Variants in MAPK10 observed in about 807,000 individuals in gnomAD.
MAPK10 encodes the protein mitogen-activated protein kinase 10, also known as JNK3 alpha protein kinase.
Under a neutral mutation model 59.3 loss-of-function variants are expected in MAPK10, and 25 were observed. The ratio of observed to expected loss-of-function variants is 0.42; its 90% CI spans 0.31 to 0.59. MAPK10 has a LOEUF of 0.59. MAPK10 is among the 20% of genes least tolerant of loss of function. MAPK10 has a pLI of 0.15. For missense variants in MAPK10, 351 were observed against 568.9 expected (o/e 0.62, Z 3.90); for synonymous variants, 190 against 200.5 (o/e 0.95, Z 0.44).
chr4:86,398,026 A>G (rs1191441359), intron 1 of MAPK10, among the ~76,000 whole-genome samples: 1 of 152,040 alleles, frequency 6.6e-6, no homozygotes, highest in Non-Finnish European at 1.5e-5. Flanking sequence ...CTGTATCCCA[A>G]ACTATCACGA....
chr4:86,175,543 C>T (rs563041461), intron 3 of MAPK10, among the ~76,000 whole-genome samples: 136 of 152,098 alleles, frequency 8.9e-4, no homozygotes, highest in South Asian at 3.7e-3. Context: ...AGTGAGTTCT[C>T]GTGAGATCTG....
At chr4:86,209,947 A>C (rs1668708642) in intron 2 of MAPK10, among the ~76,000 whole-genome samples, 1 of 152,084 alleles carries the variant, frequency 6.6e-6, no homozygotes, top group South Asian at 2.1e-4. Context: ...AATGGAACAA[A>C]AGAGAGAACC....
At chr4:86,548,436 C>T (rs536390528) in intron 1 of MAPK10, among the ~76,000 whole-genome samples, 12 of 152,294 alleles carry the variant, frequency 7.9e-5, no homozygotes, top group Admixed American at 2.0e-4. Context: ...CCACCAATTC[C>T]GGACACAATA....
At chr4:86,494,824 C>T (rs1285695068) in intron 1 of MAPK10, among the ~76,000 whole-genome samples, 1 of 103,144 alleles carries the variant, frequency 9.7e-6, no homozygotes. Context: ...GCCTGGGCGA[C>T]AGAGAGAGAC....
intron 11 of MAPK10, 148 bp downstream of exon 11, chr4:86,064,118 T>C: frequency 1.1e-6 from 1 of 908,042 alleles, no homozygotes; most frequent in Non-Finnish European, 1.7e-6. Context: ...TTGAAGAAAA[T>C]AGCTTTTAGA....
intron 2 of MAPK10, among the ~76,000 whole-genome samples, chr4:86,213,143 T>C (rs1484255930): frequency 2.0e-5 from 3 of 152,220 alleles, no homozygotes; most frequent in South Asian, 2.1e-4. Context: ...AAATTCATAC[T>C]AGGAGATGAA....
At chr4:86,327,144 T>TTC (rs2096043903) in intron 2 of MAPK10, 1 of 151,588 alleles carries the variant, frequency 6.6e-6, no homozygotes, top group African/African-American at 2.4e-5. Flanking sequence ...CTAACTTTTT[T>TTC]TTTTTTTTTT....
intron 9 of MAPK10, among the ~76,000 whole-genome samples, chr4:86,073,464 T>C (rs1275841086): frequency 2.8e-5 from 4 of 143,958 alleles, no homozygotes; most frequent in African/African-American, 1.0e-4. Context: ...CTTGCTTTTC[T>C]AGTTCTTTTA....
chr4:86,559,425 T>C (rs946066787), intron 1 of MAPK10, among the ~76,000 whole-genome samples: 1 of 152,204 alleles, frequency 6.6e-6, no homozygotes, highest in African/African-American at 2.4e-5. Flanking sequence ...TTTCTTATGA[T>C]ACCTTACTCT....
chr4:86,421,982 G>A (rs992673780), intron 1 of MAPK10, among the ~76,000 whole-genome samples: 1 of 152,080 alleles, frequency 6.6e-6, no homozygotes, highest in East Asian at 1.9e-4. Context: ...CAGTCTCAAG[G>A]CCTTTCACGT....
In MAPK10 at chr4:86,544,733, G is replaced by T. The variant is rs554769854; in HGVS notation, c.-263+49177C>A. On this transcript the variant is annotated intron_variant, in intron 1 of 4. Transcript: ENST00000502302. Reference sequence around the variant, plus strand: ...TAGTTTGTCTATCTGATAAGCTTCAGGGACAATAGTTGTATTGAATATTGA... The same window carrying T: ...TAGTTTGTCTATCTGATAAGCTTCATGGACAATAGTTGTATTGAATATTGA... Among the ~76,000 whole-genome samples the T allele has an allele frequency of 2.6e-5, 4 of 152,296 alleles. No homozygotes were observed. In the South Asian group the frequency reaches 8.3e-4, roughly 32 times the overall value.
intron 2 of MAPK10, among the ~76,000 whole-genome samples, chr4:86,251,357 G>C (rs189555665): frequency 0.029 from 4,451 of 150,908 alleles, 88 homozygotes; most frequent in South Asian, 0.04. Context: ...CCCAGAGTGT[G>C]ATATTCCCCT....
intron 1 of MAPK10, among the ~76,000 whole-genome samples, chr4:86,521,901 T>A (rs1302053109): frequency 6.6e-6 from 1 of 152,208 alleles, no homozygotes; most frequent in Admixed American, 6.5e-5. Context: ...GCTGGGAGCT[T>A]CCTTCACCCT....
At chr4:86,528,532 T>A (rs1164169600) in intron 1 of MAPK10, among the ~76,000 whole-genome samples, 2 of 152,228 alleles carry the variant, frequency 1.3e-5, no homozygotes, top group Non-Finnish European at 2.9e-5. Context: ...TACAATATTT[T>A]GAGGGGGTTC....
chr4:86,508,121 C>G (rs1032150562), intron 1 of MAPK10, among the ~76,000 whole-genome samples: 3 of 152,044 alleles, frequency 2.0e-5, no homozygotes, highest in African/African-American at 7.2e-5. Context: ...CATGTGTATT[C>G]CCATTGTATT....
chr4:86,296,427 C>T (rs903453854), intron 2 of MAPK10, among the ~76,000 whole-genome samples: 5 of 152,050 alleles, frequency 3.3e-5, no homozygotes, highest in African/African-American at 7.2e-5. Context: ...GGCTTATCAA[C>T]CCCTGACAGA....
At chr4:86,521,099 G>A (rs909315001) in intron 1 of MAPK10, among the ~76,000 whole-genome samples, 5 of 152,244 alleles carry the variant, frequency 3.3e-5, no homozygotes, top group African/African-American at 1.2e-4. Context: ...GGTTATGCTA[G>A]CAGTGAAGCT....
At chr4:86,549,900 G>A (rs1759621642) in intron 1 of MAPK10, among the ~76,000 whole-genome samples, 1 of 152,088 alleles carries the variant, frequency 6.6e-6, no homozygotes, top group Non-Finnish European at 1.5e-5. Context: ...GAGGAGAGGA[G>A]AAAGACAACA....
At chr4:86,209,717 A>G (rs1216288243) in intron 2 of MAPK10, among the ~76,000 whole-genome samples, 1 of 152,090 alleles carries the variant, frequency 6.6e-6, no homozygotes, top group African/African-American at 2.4e-5. Context: ...TAATTTACAG[A>G]TATGATTCAT....
Sources: allele counts gnomAD v4.1 joint callset (sites outside exome capture counted in the v4.1 genomes callset), GRCh38; gene constraint gnomAD v4.1.1; transcripts MANE v1.5; gene names NCBI Gene and HGNC (gene_info 2026-07-23, HGNC 2026-07-21).